Variants in TNRC6A observed in about 807,000 individuals in gnomAD.
TNRC6A encodes trinucleotide repeat containing adaptor 6A, also known as trinucleotide repeat-containing gene 6A protein.
Under a neutral mutation model 221.2 loss-of-function variants are expected in TNRC6A, and 44 were observed. The observed-to-expected ratio is 0.20, with a 90% CI of 0.16 to 0.26. The LOEUF (loss-of-function observed/expected upper bound fraction) is 0.26. Among genes scored for constraint, TNRC6A ranks in the 10% least tolerant of loss-of-function variants. The pLI is 1.00. For missense variants in TNRC6A, 2,199 were observed against 2,404.4 expected, an observed-to-expected ratio of 0.91 and a Z score of 1.79; for synonymous variants, 847 against 838.5, an observed-to-expected ratio of 1.01 and a Z score of -0.18.
intron 2 of TNRC6A, among the ~76,000 whole-genome samples, chr16:24,720,898 C>A (rs529078671): frequency 5.7e-4 from 84 of 147,548 alleles, no homozygotes; most frequent in Admixed American, 4.5e-3. Flanking sequence ...AAAAAAAAAA[C>A]AAAAAAATTA....
intron 2 of TNRC6A, among the ~76,000 whole-genome samples, chr16:24,722,827 A>G (rs548392349): frequency 6.6e-6 from 1 of 152,310 alleles, no homozygotes; most frequent in African/African-American, 2.4e-5. Flanking sequence ...GTTCTACGGT[A>G]TGGCAGTGGA....
At chr16:24,718,359 T>C (rs2056352656) in intron 2 of TNRC6A, among the ~76,000 whole-genome samples, 1 of 152,212 alleles carries the variant, frequency 6.6e-6, no homozygotes, top group Non-Finnish European at 1.5e-5. Flanking sequence ...CTCACATCTG[T>C]ATTCTTATGA....
Position 24,806,617 on chromosome 16 carries a change from G to A in TNRC6A, c.4373G>A (p.Arg1458His), listed in dbSNP as rs780709420. The A allele has an allele frequency of 1.1e-5, 17 of 1,613,984 alleles. No individual in the cohort carries two copies. Among genetic ancestry groups the A allele is most frequent in the African/African-American group, 2.7e-5 (2 of 74,888 alleles). The stretch of plus-strand genomic sequence containing the variant: ...CAGCAGCAAATGATGCAACAATCTC[G>A]TCAACTTGATCCAAACCTGTTGGTG... ...SVQQQMMQQSRQLDPNLLVKQ... is the reference protein window; with the variant it reads ...SVQQQMMQQSHQLDPNLLVKQ... The change falls in exon 17 of 25, where the codon CGT (arginine) becomes CAT (histidine). Residue 1458 changes from arginine to histidine, a missense_variant. Physicochemically the swap from Arg to His is conservative, Grantham distance 29. Around this residue, in one of 8 missense-constraint regions of TNRC6A, gnomAD observed 449 missense variants for 579.7 expected, o/e 0.77. Coordinates refer to ENST00000395799, the MANE Select transcript of TNRC6A (RefSeq NM_014494.4).
intron 5 of TNRC6A, among the ~76,000 whole-genome samples, chr16:24,786,946 G>A (rs1486946269): frequency 6.6e-6 from 1 of 152,184 alleles, no homozygotes; most frequent in Non-Finnish European, 1.5e-5. Context: ...CTCCCAAAGT[G>A]TTGAGATTAC....
chr16:24,669,487 CA>C (rs61045296), intron 2 of TNRC6A, among the ~76,000 whole-genome samples: 96,591 of 147,442 alleles, frequency 0.66, 32,718 homozygotes, highest in African/African-American at 0.85. Flanking sequence ...GACTCTGTCT[CA>C]AAAAAAAAAA....
chr16:24,812,419 T>C (rs1418654173), intron 18 of TNRC6A, among the ~76,000 whole-genome samples: 1 of 152,160 alleles, frequency 6.6e-6, no homozygotes, highest in Non-Finnish European at 1.5e-5. Flanking sequence ...AAAATAAATA[T>C]GAATCCTAGG....
chr16:24,742,558 A>C (rs2056914538), intron 2 of TNRC6A, among the ~76,000 whole-genome samples: 1 of 152,234 alleles, frequency 6.6e-6, no homozygotes, highest in South Asian at 2.1e-4. Context: ...AGTATTGTAC[A>C]AGTAGGACTG....
chr16:24,696,590 G>A (rs1204863909), intron 2 of TNRC6A, among the ~76,000 whole-genome samples: 1 of 151,154 alleles, frequency 6.6e-6, no homozygotes. Flanking sequence ...AATTAGCCAC[G>A]CGTGGTGGCT....
At chr16:24,734,740 T>C (rs888705198) in intron 2 of TNRC6A, among the ~76,000 whole-genome samples, 1 of 152,242 alleles carries the variant, frequency 6.6e-6, no homozygotes, top group African/African-American at 2.4e-5. Context: ...TTTTTTATTC[T>C]AAAAGAGTAA....
intron 2 of TNRC6A, among the ~76,000 whole-genome samples, chr16:24,661,085 A>C (rs913045063): frequency 3.1e-4 from 47 of 151,774 alleles, no homozygotes; most frequent in African/African-American, 1.1e-3. Flanking sequence ...CTTTAAGAAA[A>C]ATTTTTTTTC....
chr16:24,795,793 GT>G (rs1418093723), intron 8 of TNRC6A, 113 bp from the exon 9 acceptor site: 8 of 961,148 alleles, frequency 8.3e-6, no homozygotes, highest in Non-Finnish European at 3.0e-6. Flanking sequence ...CTTGCCCAAA[GT>G]TGCGATAACT....
At chr16:24,642,358 G>C (rs1053156856) in intron 2 of TNRC6A, among the ~76,000 whole-genome samples, 11 of 152,188 alleles carry the variant, frequency 7.2e-5, no homozygotes, top group African/African-American at 2.7e-4. Flanking sequence ...TTGAGTAGTG[G>C]TCAGTGGGCG....
intron 2 of TNRC6A, chr16:24,661,343 T>C (rs1404993832): frequency 6.6e-6 from 1 of 152,160 alleles, no homozygotes; most frequent in Admixed American, 6.6e-5. Flanking sequence ...CATATTTTTT[T>C]TGTTTTCAAC....
Position 24,777,066 on chromosome 16 carries a change from G to A in TNRC6A, c.297G>A (p.Gln99=), listed in dbSNP as rs377447808. ...ACAATCAGCAGCCACAGCAGCAGCAGCAACAGCAGCAGCCGCAGCAGCAGC... is the reference window on the plus strand; with the variant it reads ...ACAATCAGCAGCCACAGCAGCAGCAACAACAGCAGCAGCCGCAGCAGCAGC... The part of the protein sequence containing the change: ...TANNQQPQQQ[Q]QQQQPQQQQP... The change falls in exon 5 of 25, where the codon CAG becomes CAA. Residue 99 remains glutamine (Q), a synonymous_variant. Coordinates refer to ENST00000395799, the MANE Select transcript of TNRC6A (RefSeq NM_014494.4). 1.1e-4 allele frequency: 169 copies of A among 1,606,866 alleles called. 1 individual carries two copies. The highest frequency in any genetic ancestry group is 1.3e-4 in the Non-Finnish European group (158 of 1,175,138).
Position 24,793,511 on chromosome 16 carries a change from A to G in TNRC6A, c.3214A>G (p.Thr1072Ala). Residue 1072 changes from threonine (T) to alanine (A), a missense_variant, in exon 7 of 25, where the codon ACA (threonine) becomes GCA (alanine). Around this residue, in one of 8 missense-constraint regions of TNRC6A, gnomAD observed 1,405 missense variants for 1,400.2 expected, o/e 1.00. Coordinates refer to ENST00000395799, the MANE Select transcript of TNRC6A (RefSeq NM_014494.4). ...EPWGEPSTPA[T>A]TVDNGTSAWG... ...CTGGGGGGAGCCTTCTACTCCAGCC[A>G]CAACTGTGGATAATGGTACTTCAGC... is the stretch of plus-strand genomic sequence containing the variant. 1 of 1,532,536 alleles carries G rather than the reference A, an allele frequency of 6.5e-7. No individual in the cohort carries two copies. The highest frequency in any genetic ancestry group is 1.3e-5 in the South Asian group (1 of 74,624). 94.9% of individuals were successfully genotyped at this position (1,532,536 alleles called of 1,614,324 possible).
At chr16:24,660,170 A>G (rs972753410) in intron 2 of TNRC6A, among the ~76,000 whole-genome samples, 10 of 152,000 alleles carry the variant, frequency 6.6e-5, no homozygotes, top group Non-Finnish European at 1.3e-4. Context: ...ATTTTGGTGC[A>G]GCCATCACCC....
At chr16:24,662,030 C>T (rs1204054043) in intron 2 of TNRC6A, 1 of 152,112 alleles carries the variant, frequency 6.6e-6, no homozygotes, top group African/African-American at 2.4e-5. Flanking sequence ...CACTGCACTC[C>T]AACCTGGGCA....
chr16:24,748,829 G>C (rs2057072042), intron 2 of TNRC6A, among the ~76,000 whole-genome samples: 1 of 152,020 alleles, frequency 6.6e-6, no homozygotes, highest in South Asian at 2.1e-4. Flanking sequence ...ATAATGTGCA[G>C]CTTCCAAAAT....
chr16:24,797,711 C>A (rs912654818), intron 10 of TNRC6A, 141 bp downstream of exon 10: 16 of 904,850 alleles, frequency 1.8e-5, no homozygotes, highest in South Asian at 8.6e-5. Context: ...GGCCTCCAAA[C>A]CTTCATTTTT....
Sources: gnomAD v4.1 joint callset for allele counts (sites outside exome capture counted in the v4.1 genomes callset) on GRCh38, gnomAD v4.1.1 for gene constraint, gnomAD v4.1.1 regional missense constraint, MANE v1.5 for transcripts, NCBI Gene and HGNC (gene_info 2026-07-23, HGNC 2026-07-21) for gene names.